The following CD1B variants were observed in gnomAD, a reference collection of about 807,000 sequenced individuals.
CD1B encodes CD1b molecule.
In CD1B, 43 loss-of-function variants were observed where a neutral mutation model predicts 39.8. The ratio of observed to expected loss-of-function variants is 1.08; its 90% CI spans 0.85 to 1.39. The LOEUF (loss-of-function observed/expected upper bound fraction) is 1.39. Among genes scored for constraint, CD1B ranks in the 40% most tolerant of loss-of-function variants. The pLI, the probability that CD1B is intolerant of heterozygous loss-of-function variation, is 0.00. For missense variants in CD1B, 495 were observed against 403.8 expected (o/e 1.23, Z -1.94); for synonymous variants, 192 against 152.5 (o/e 1.26, Z -1.91).
chr1:158,318,110 G>A, the CD1B span, among the ~76,000 whole-genome samples: 3 of 152,166 alleles, frequency 2.0e-5, no homozygotes, highest in East Asian at 1.9e-4. Flanking sequence ...GAATAGGTGT[G>A]GTGTGGTGCT....
chr1:158,324,645 A>T (rs1652286694), downstream of CD1B, among the ~76,000 whole-genome samples: 1 of 152,184 alleles, frequency 6.6e-6, no homozygotes, highest in South Asian at 2.1e-4. Context: ...TCCTCAAAAA[A>T]ATTTCCACAG....
chr1:158,314,697 G>T, the CD1B span, among the ~76,000 whole-genome samples: 3 of 151,556 alleles, frequency 2.0e-5, no homozygotes, highest in African/African-American at 7.3e-5. Flanking sequence ...AGGGTAATGT[G>T]CACATTGTGC....
chr1:158,307,702 C>A, the CD1B span, among the ~76,000 whole-genome samples: 2 of 152,124 alleles, frequency 1.3e-5, no homozygotes, highest in East Asian at 3.8e-4. Flanking sequence ...ACTGGCAAAC[C>A]GAATTCAGCA....
the CD1B span, among the ~76,000 whole-genome samples, chr1:158,310,365 C>T: frequency 6.6e-6 from 1 of 152,174 alleles, no homozygotes; most frequent in Non-Finnish European, 1.5e-5. Context: ...CTACAGAAAT[C>T]TTGGAAGAAA....
the CD1B span, chr1:158,292,973 G>C: frequency 8.4e-7 from 1 of 1,186,144 alleles, no homozygotes; most frequent in Non-Finnish European, 1.2e-6. Context: ...AGGGATTGTA[G>C]GAAGAAATGT....
intron 3 of CD1B, 102 bp from the exon 4 acceptor site, chr1:158,329,750 T>C: frequency 6.4e-7 from 1 of 1,559,970 alleles, no homozygotes; most frequent in East Asian, 2.2e-5. Flanking sequence ...ATTCACTCCT[T>C]TGGGAACCAA....
downstream of CD1B, among the ~76,000 whole-genome samples, chr1:158,327,591 A>G (rs1311841175): frequency 6.6e-6 from 1 of 151,850 alleles, no homozygotes; most frequent in Non-Finnish European, 1.5e-5. Flanking sequence ...TTTGCAGCTA[A>G]GAGATCTTGC....
downstream of CD1B, among the ~76,000 whole-genome samples, chr1:158,327,207 C>T (rs1317329599): frequency 2.0e-5 from 3 of 152,132 alleles, no homozygotes; most frequent in African/African-American, 7.2e-5. Context: ...CTCTTGCTAG[C>T]TACAGAGCAC....
chr1:158,297,647 A>T, the CD1B span, among the ~76,000 whole-genome samples: 1 of 152,300 alleles, frequency 6.6e-6, no homozygotes, highest in East Asian at 1.9e-4. Flanking sequence ...TGGCAAGTTG[A>T]ATAAAGAAAC....
At chr1:158,302,973 A>G in the CD1B span, among the ~76,000 whole-genome samples, 1 of 152,184 alleles carries the variant, frequency 6.6e-6, no homozygotes, top group Non-Finnish European at 1.5e-5. Context: ...TGGTAGAGAC[A>G]CAATAAAAAA....
At chr1:158,322,426 T>C in the CD1B span, among the ~76,000 whole-genome samples, 3 of 147,742 alleles carry the variant, frequency 2.0e-5, no homozygotes, top group African/African-American at 7.9e-5. Flanking sequence ...TGTTTTTTTT[T>C]TTTTGTGTGT....
the CD1B span, among the ~76,000 whole-genome samples, chr1:158,297,740 C>T: frequency 6.6e-6 from 1 of 152,030 alleles, no homozygotes; most frequent in South Asian, 2.1e-4. Context: ...TGAGACCAAC[C>T]TAGGCAACAT....
intron 3 of CD1B, 83 bp downstream of exon 3, chr1:158,329,769 T>C: frequency 6.4e-7 from 1 of 1,557,686 alleles, no homozygotes; most frequent in East Asian, 2.2e-5. Flanking sequence ...AAATAACTTG[T>C]TATTTAAGCT....
chr1:158,318,850 G>T, the CD1B span, among the ~76,000 whole-genome samples: 3 of 152,110 alleles, frequency 2.0e-5, no homozygotes, highest in African/African-American at 4.8e-5. Flanking sequence ...CTCTTTTAGG[G>T]CAGGCCTGTT....
At chr1:158,304,315 T>C in the CD1B span, among the ~76,000 whole-genome samples, 1 of 151,974 alleles carries the variant, frequency 6.6e-6, no homozygotes, top group Non-Finnish European at 1.5e-5. Flanking sequence ...GCCTGGAGGG[T>C]CCTATGCCCA....
At chr1:158,287,717 C>T in the CD1B span, among the ~76,000 whole-genome samples, 2 of 152,290 alleles carry the variant, frequency 1.3e-5, no homozygotes, top group South Asian at 2.1e-4. Flanking sequence ...ATGATACTTA[C>T]TGGGTTTTAT....
At chr1:158,293,776 G>A in the CD1B span, 3 of 563,264 alleles carry the variant, frequency 5.3e-6, no homozygotes, top group Middle Eastern at 4.7e-4. Flanking sequence ...TTCCTACCCT[G>A]TGTTGCAGCT....
At chr1:158,297,960 A>T in the CD1B span, among the ~76,000 whole-genome samples, 7 of 151,518 alleles carry the variant, frequency 4.6e-5, no homozygotes, top group South Asian at 6.3e-4. Flanking sequence ...AAAAAAAAAA[A>T]AAATAAACAA....
chr1:158,298,992 T>A, the CD1B span, among the ~76,000 whole-genome samples: 1 of 152,204 alleles, frequency 6.6e-6, no homozygotes, highest in African/African-American at 2.4e-5. Flanking sequence ...CTGTTCCTAA[T>A]TAAATACCCT....
Sources: gnomAD v4.1 joint callset for allele counts (sites outside exome capture counted in the v4.1 genomes callset) on GRCh38, gnomAD v4.1.1 for gene constraint, MANE v1.5 for transcripts, NCBI Gene and HGNC (gene_info 2026-07-23, HGNC 2026-07-21) for gene names.